Variants in AMBRA1 observed in about 807,000 individuals in gnomAD.
AMBRA1 encodes activating molecule in BECN1-regulated autophagy protein 1.
AMBRA1 carries 47 observed loss-of-function variants against 125.4 expected under a neutral mutation model. That is an observed-to-expected ratio of 0.37 (90% CI 0.30 to 0.48). The LOEUF is 0.48. AMBRA1 is among the 20% of genes least tolerant of loss of function. The pLI is 0.99. For missense variants in AMBRA1, 1,331 were observed against 1,693.4 expected, an observed-to-expected ratio of 0.79 and a Z score of 3.76; for synonymous variants, 626 against 655.5, an observed-to-expected ratio of 0.95 and a Z score of 0.69.
At chr11:46,484,333 T>C (rs896878332) in intron 11 of AMBRA1, among the ~76,000 whole-genome samples, 1 of 152,178 alleles carries the variant, frequency 6.6e-6, no homozygotes, top group Non-Finnish European at 1.5e-5. Context: ...ATACTAATCA[T>C]AACCTAAGAA....
chr11:46,488,772 T>A (rs2136943403), intron 11 of AMBRA1, among the ~76,000 whole-genome samples: 1 of 152,310 alleles, frequency 6.6e-6, no homozygotes, highest in Admixed American at 6.5e-5. Flanking sequence ...CAGACCATGA[T>A]CAAATTAAAT....
At chr11:46,447,761 T>C (rs1385372040) in intron 11 of AMBRA1, among the ~76,000 whole-genome samples, 1 of 109,354 alleles carries the variant, frequency 9.1e-6, no homozygotes. Context: ...GATAGATAGA[T>C]AGATAGATAG....
At chr11:46,408,405 G>T in intron 17 of AMBRA1, 108 bp downstream of exon 17, 1 of 1,209,136 alleles carries the variant, frequency 8.3e-7, no homozygotes, top group Non-Finnish European at 1.1e-6. Context: ...ATGCCACCAG[G>T]TGGGCATCAC....
intron 11 of AMBRA1, 34 bp downstream of exon 11, chr11:46,493,574 C>A (rs1590946969): frequency 6.4e-7 from 1 of 1,557,696 alleles, no homozygotes; most frequent in South Asian, 1.2e-5. Context: ...CTTGGCCCTT[C>A]ACATTTTCAA....
chr11:46,460,324 CT>C (rs397847968), intron 11 of AMBRA1, among the ~76,000 whole-genome samples: 42,019 of 139,662 alleles, frequency 0.3, 9,590 homozygotes, highest in African/African-American at 0.7. Context: ...AAACACAACT[CT>C]TTTTTTTTTT....
At chr11:46,440,331 G>C (rs958731407) in intron 12 of AMBRA1, among the ~76,000 whole-genome samples, 11 of 152,154 alleles carry the variant, frequency 7.2e-5, no homozygotes, top group Admixed American at 2.0e-4. Context: ...GTACAGACGA[G>C]TACATACAGC....
At chr11:46,409,921 C>T (rs1336181943) in intron 16 of AMBRA1, among the ~76,000 whole-genome samples, 1 of 152,220 alleles carries the variant, frequency 6.6e-6, no homozygotes, top group East Asian at 1.9e-4. Flanking sequence ...CAGCTTGGTC[C>T]CTGAGGTCCT....
intron 11 of AMBRA1, among the ~76,000 whole-genome samples, chr11:46,479,718 T>C (rs1949980214): frequency 6.6e-6 from 1 of 152,084 alleles, no homozygotes; most frequent in Admixed American, 6.5e-5. Flanking sequence ...TGAGACACTA[T>C]GTGAAGAAGC....
chr11:46,479,026 C>G (rs1047363486), intron 11 of AMBRA1, among the ~76,000 whole-genome samples: 4 of 152,034 alleles, frequency 2.6e-5, no homozygotes, highest in African/African-American at 9.7e-5. Flanking sequence ...CAGTGAAACC[C>G]TGTCTCTACA....
chr11:46,539,838 T>C (rs1952648716), intron 7 of AMBRA1, among the ~76,000 whole-genome samples: 1 of 152,248 alleles, frequency 6.6e-6, no homozygotes, highest in African/African-American at 2.4e-5. Flanking sequence ...TCTCTTTTTT[T>C]CCTTTTTTCT....
intron 11 of AMBRA1, among the ~76,000 whole-genome samples, chr11:46,455,567 T>G (rs147175425): frequency 5.4e-4 from 83 of 152,298 alleles, no homozygotes; most frequent in African/African-American, 1.9e-3. Context: ...TATAACCTCT[T>G]GATCTGTCAT....
At chr11:46,410,237 C>T (rs1946223106) in intron 16 of AMBRA1, 39 bp downstream of exon 16, 8 of 1,599,888 alleles carry the variant, frequency 5.0e-6, no homozygotes, top group Admixed American at 1.7e-5. Context: ...AAGGGATGGG[C>T]CTCCAGCCAG....
At chr11:46,456,566 AAGAG>A (rs1234286130) in intron 11 of AMBRA1, among the ~76,000 whole-genome samples, 12 of 152,202 alleles carry the variant, frequency 7.9e-5, no homozygotes, top group Non-Finnish European at 1.5e-4. Context: ...GAGAAAGAAA[AAGAG>A]AGCGACTGAC....
chr11:46,460,391 GGCTCACT>G (rs1414573269), intron 11 of AMBRA1, among the ~76,000 whole-genome samples: 1 of 149,238 alleles, frequency 6.7e-6, no homozygotes, highest in Non-Finnish European at 1.5e-5. Flanking sequence ...GCGCAATCTT[GGCTCACT>G]GCAAGCTCCG....
At chr11:46,420,688 C>T (rs985483873) in intron 14 of AMBRA1, among the ~76,000 whole-genome samples, 1 of 152,152 alleles carries the variant, frequency 6.6e-6, no homozygotes, top group Non-Finnish European at 1.5e-5. Context: ...CTCCAAAGGT[C>T]AGATGGTGTG....
At chr11:46,508,415 G>T in intron 8 of AMBRA1, 45 bp from the exon 9 acceptor site, 4 of 1,582,776 alleles carry the variant, frequency 2.5e-6, no homozygotes, top group East Asian at 2.3e-5. Context: ...CACTAATGTG[G>T]GGAATACTAT....
At chr11:46,406,399 G>C (rs1428807508) in intron 17 of AMBRA1, among the ~76,000 whole-genome samples, 4 of 150,092 alleles carry the variant, frequency 2.7e-5, no homozygotes, top group Non-Finnish European at 5.9e-5. Context: ...AAAAAGGTCC[G>C]GGTGTGGTGG....
At chr11:46,512,649 A>G (rs1274949651) in intron 8 of AMBRA1, 78 bp downstream of exon 8, 1 of 1,157,586 alleles carries the variant, frequency 8.6e-7, no homozygotes, top group Non-Finnish European at 1.3e-6. Context: ...AGAGGCACAG[A>G]ACGGAGCTTC....
chr11:46,548,788 T>G (rs534604721), intron 1 of AMBRA1, among the ~76,000 whole-genome samples: 5 of 151,896 alleles, frequency 3.3e-5, no homozygotes, highest in Non-Finnish European at 7.4e-5. Context: ...AGGTCAGGAG[T>G]TTGAGACAGC....
Sources: allele counts gnomAD v4.1 joint callset (sites outside exome capture counted in the v4.1 genomes callset), GRCh38; gene constraint gnomAD v4.1.1; transcripts MANE v1.5; gene names NCBI Gene and HGNC (gene_info 2026-07-23, HGNC 2026-07-21).